ITGA1: variants seen among roughly 807,000 people sequenced by gnomAD.
The protein encoded by ITGA1 is integrin subunit alpha 1.
In ITGA1, 85 loss-of-function variants were observed where a neutral mutation model predicts 145.9. That is an observed-to-expected ratio of 0.58 (90% CI 0.49 to 0.70). The LOEUF is 0.70. ITGA1 is among the 30% of genes least tolerant of loss of function. The pLI is 0.00. For missense variants in ITGA1, 1,351 were observed against 1,418.7 expected (o/e 0.95, Z 0.77); for synonymous variants, 520 against 495.3 (o/e 1.05, Z -0.66).
At chr5:52,920,052 T>A (rs1750708103) in intron 16 of ITGA1, among the ~76,000 whole-genome samples, 1 of 152,158 alleles carries the variant, frequency 6.6e-6, no homozygotes, top group Non-Finnish European at 1.5e-5. Flanking sequence ...GGCAATTAGA[T>A]GATAGGCAGG....
rs546472485 is a variant in ITGA1 at position 52,851,594 on chromosome 5, G to A, written c.182+2109G>A. On this transcript the variant is annotated intron_variant, in intron 2 of 28. Coordinates refer to ENST00000282588, the MANE Select transcript of ITGA1 (RefSeq NM_181501.2). The stretch of plus-strand genomic sequence containing the variant: ...CCAACACTGGTTAAGGAACAAAAGA[G>A]TGCATAGATTGGATAGTAAGAATAA... 2.6e-5 allele frequency among the ~76,000 whole-genome samples: 4 copies of A among 152,322 alleles called. No individual in the cohort carries two copies. The East Asian group carries it at 5.8e-4, about 22-fold the overall frequency.
chr5:52,869,227 C>T (rs1223191228), intron 6 of ITGA1, among the ~76,000 whole-genome samples: 1 of 152,200 alleles, frequency 6.6e-6, no homozygotes, highest in Admixed American at 6.5e-5. Context: ...ATGGTACGAT[C>T]TTGGCTCACT....
intron 1 of ITGA1, among the ~76,000 whole-genome samples, chr5:52,806,357 T>G (rs945152157): frequency 6.6e-6 from 1 of 151,856 alleles, no homozygotes; most frequent in African/African-American, 2.4e-5. Flanking sequence ...AAATAAAACC[T>G]GTATTAGTAG....
rs554934628 is a variant in ITGA1, at chr5:52,800,432, C to T, written c.61+12018C>T. ...AGGAAGAACATCGAGAAGGACAATG[C>T]GGGCCAGGTGACCCTGGTCCCCGAG... On this transcript the variant is annotated intron_variant, in intron 1 of 28. Coordinates refer to ENST00000282588, the MANE Select transcript of ITGA1 (RefSeq NM_181501.2). The T allele has an allele frequency of 5.2e-5, 84 of 1,613,918 alleles. 3 individuals are homozygous for T. In the South Asian group the frequency reaches 7.6e-4, roughly 15 times the overall value.
At position 52,869,538 on chromosome 5, in the gene ITGA1, T is replaced by A. The variant is rs138213892; in HGVS notation, c.624+3721T>A. Among the ~76,000 whole-genome samples the A allele has an allele frequency of 2.4e-3, 361 of 152,310 alleles. 5 individuals are homozygous for A. In the South Asian group the frequency reaches 0.029, roughly 12 times the overall value. ...ATTATTATATTAGTGTGCGTGAGTG[T>A]GTGTCTGTCTATCTGTGTTTGCTGC... On this transcript the variant is annotated intron_variant, in intron 6 of 28. Coordinates refer to ENST00000282588, the MANE Select transcript of ITGA1 (RefSeq NM_181501.2).
chr5:52,854,938 G>T (rs964234995), intron 2 of ITGA1, among the ~76,000 whole-genome samples: 1 of 152,080 alleles, frequency 6.6e-6, no homozygotes, highest in Admixed American at 6.6e-5. Flanking sequence ...TTCTCAGTCT[G>T]CATACAGGTC....
chr5:52,914,493 G>A (rs188290683), intron 14 of ITGA1, among the ~76,000 whole-genome samples: 25 of 152,084 alleles, frequency 1.6e-4, no homozygotes, highest in Middle Eastern at 6.8e-3. Flanking sequence ...AAAATTAGCC[G>A]GGCATGGTGG....
At chr5:52,946,580 G>A (rs374927288) in intron 27 of ITGA1, among the ~76,000 whole-genome samples, 5 of 152,208 alleles carry the variant, frequency 3.3e-5, no homozygotes, top group African/African-American at 1.2e-4. Flanking sequence ...GGCAAATACA[G>A]GGCTTGAACT....
chr5:52,836,291 C>A (rs1749161618), intron 1 of ITGA1, among the ~76,000 whole-genome samples: 1 of 152,066 alleles, frequency 6.6e-6, no homozygotes, highest in Non-Finnish European at 1.5e-5. Flanking sequence ...TCCATCCAGA[C>A]AAAATAGCAC....
At chr5:52,831,444 A>G (rs2111721613) in intron 1 of ITGA1, among the ~76,000 whole-genome samples, 1 of 152,112 alleles carries the variant, frequency 6.6e-6, no homozygotes, top group African/African-American at 2.4e-5. Context: ...AGAAAGTCAC[A>G]CAGAGGGTTA....
intron 1 of ITGA1, among the ~76,000 whole-genome samples, chr5:52,821,945 T>C (rs1748886116): frequency 6.6e-6 from 1 of 152,218 alleles, no homozygotes; most frequent in Admixed American, 6.5e-5. Flanking sequence ...TTATGTGTGA[T>C]TTTGTAGAAA....
In ITGA1 at chr5:52,920,447, T is replaced by C; in HGVS notation, c.2271T>C (p.Thr757=). The change falls in exon 17 of 29, where the codon ACT becomes ACC. Residue 757 remains threonine (T), a synonymous_variant. Coordinates refer to ENST00000282588, the MANE Select transcript of ITGA1 (RefSeq NM_181501.2). ...TCACAGTTCGAAAATCAGAATGCAC[T>C]AAGCACTCCTTCTACATGTTGGCAA... ...RNITVRKSEC[T]KHSFYMLDKH... is the part of the protein sequence containing the mutation. The C allele has an allele frequency of 6.2e-7, 1 of 1,605,230 alleles. No homozygotes were observed.
chr5:52,801,024 A>G (rs1748468543), intron 1 of ITGA1: 1 of 1,614,196 alleles, frequency 6.2e-7, no homozygotes. Flanking sequence ...TGGCCAGCCC[A>G]GGATTTGTGA....
intron 7 of ITGA1, among the ~76,000 whole-genome samples, chr5:52,886,247 T>C (rs77787360): frequency 0.027 from 4,036 of 152,286 alleles, 201 homozygotes; most frequent in African/African-American, 0.093. Flanking sequence ...TACAACTATA[T>C]CCTGTATATC....
At chr5:52,800,322 A>C (rs1404390999) in intron 1 of ITGA1, 42 of 1,561,696 alleles carry the variant, frequency 2.7e-5, no homozygotes, top group Non-Finnish European at 3.2e-5. Context: ...CTGCATTCCC[A>C]TCCCCTCTCC....
chr5:52,892,618 A>G (rs1750167983), intron 8 of ITGA1, among the ~76,000 whole-genome samples: 1 of 152,182 alleles, frequency 6.6e-6, no homozygotes, highest in Non-Finnish European at 1.5e-5. Flanking sequence ...TCATTAAGTA[A>G]ATTGTGGTGC....
intron 1 of ITGA1, among the ~76,000 whole-genome samples, chr5:52,834,157 T>C (rs1749119520): frequency 1.3e-5 from 2 of 152,184 alleles, no homozygotes; most frequent in Non-Finnish European, 2.9e-5. Context: ...TCTTTCTGCT[T>C]CAGCACCTAG....
intron 1 of ITGA1, chr5:52,801,576 G>A: frequency 1.2e-6 from 2 of 1,614,168 alleles, no homozygotes; most frequent in Non-Finnish European, 1.7e-6. Flanking sequence ...GACTCAAGCA[G>A]GTGGAGAAGG....
chr5:52,844,516 T>TGA (rs1483056189), intron 1 of ITGA1, among the ~76,000 whole-genome samples: 3 of 152,226 alleles, frequency 2.0e-5, no homozygotes, highest in African/African-American at 7.2e-5. Context: ...TGTGGGCACA[T>TGA]TTCTCTGCCT....
Sources: allele counts gnomAD v4.1 joint callset (sites outside exome capture counted in the v4.1 genomes callset), GRCh38; gene constraint gnomAD v4.1.1; transcripts MANE v1.5; gene names NCBI Gene and HGNC (gene_info 2026-07-23, HGNC 2026-07-21).